CADM1: variants seen among roughly 807,000 people sequenced by gnomAD.
CADM1 encodes the protein cell adhesion molecule 1.
Under a neutral mutation model 53.1 loss-of-function variants are expected in CADM1, and 15 were observed. That is an observed-to-expected ratio of 0.28 (90% CI 0.19 to 0.44). The LOEUF is 0.44. Ranked by LOEUF, CADM1 falls within the 20% of genes least tolerant of loss-of-function variation. CADM1 has a pLI of 1.00. For missense variants in CADM1, 434 were observed against 611.3 expected, an observed-to-expected ratio of 0.71 and a Z score of 3.06; for synonymous variants, 281 against 243.0, an observed-to-expected ratio of 1.16 and a Z score of -1.45.
intron 1 of CADM1, among the ~76,000 whole-genome samples, chr11:115,323,880 T>C (rs1275793672): frequency 7.2e-6 from 1 of 138,606 alleles, no homozygotes; most frequent in South Asian, 2.6e-4. Context: ...AGAGGAGAGA[T>C]ACGAAAAAGG....
At chr11:115,268,812 TG>T (rs1247305180) in intron 1 of CADM1, among the ~76,000 whole-genome samples, 1 of 152,152 alleles carries the variant, frequency 6.6e-6, no homozygotes, top group Non-Finnish European at 1.5e-5. Flanking sequence ...GTGATAAGGT[TG>T]GGCATTCTGA....
intron 7 of CADM1, among the ~76,000 whole-genome samples, chr11:115,214,276 T>A (rs1941083361): frequency 3.9e-5 from 6 of 152,248 alleles, no homozygotes; most frequent in Admixed American, 3.9e-4. Flanking sequence ...ATAAACTTTC[T>A]GAGCTGAAAA....
chr11:115,176,489 T>C lies in CADM1; in HGVS notation c.1401A>G (p.Lys467=). The C allele has an allele frequency of 1.9e-6, 3 of 1,614,034 alleles. No individual in the cohort carries two copies. The highest frequency in any genetic ancestry group is 2.5e-6 in the Non-Finnish European group (3 of 1,179,924). Reference sequence around the variant, plus strand: ...AAAGGCTGATCTAGATGAAGTACTCTTTCTTTTCTTCGGAGTTGTTCTGTC... The same window carrying C: ...AAAGGCTGATCTAGATGAAGTACTCCTTCTTTTCTTCGGAGTTGTTCTGTC... ...EGGQNNSEEK[K]EYFI The change falls in exon 12 of 12, where the codon AAA becomes AAG. Residue 467 remains lysine (K), a synonymous_variant. Coordinates refer to ENST00000331581, the MANE Select transcript of CADM1 (RefSeq NM_001301043.2).
chr11:115,373,655 G>GGGATT (rs1201484717), intron 1 of CADM1, among the ~76,000 whole-genome samples: 2 of 151,048 alleles, frequency 1.3e-5, no homozygotes, highest in African/African-American at 4.8e-5. Flanking sequence ...AAAGAAAAGG[G>GGGATT]GGATTCTAAG....
chr11:115,308,372 A>G (rs1467560712), intron 1 of CADM1, among the ~76,000 whole-genome samples: 2 of 151,942 alleles, frequency 1.3e-5, no homozygotes, highest in South Asian at 2.1e-4. Flanking sequence ...AAGCTCAGAC[A>G]TAAAAAGGGT....
intron 9 of CADM1, among the ~76,000 whole-genome samples, chr11:115,194,460 T>C (rs1250401945): frequency 1.3e-5 from 2 of 152,196 alleles, no homozygotes; most frequent in Non-Finnish European, 2.9e-5. Context: ...CCAAACATTC[T>C]GAAACCAAAA....
intron 1 of CADM1, among the ~76,000 whole-genome samples, chr11:115,306,072 C>CCACACACACACACACACA (rs6144515): frequency 0.18 from 22,914 of 130,190 alleles, 2,391 homozygotes; most frequent in Admixed American, 0.22. Context: ...AGGATATATA[C>CCACACACACACACACACA]CACACACACA....
chr11:115,310,163 C>T (rs1404893561), intron 1 of CADM1, among the ~76,000 whole-genome samples: 1 of 152,050 alleles, frequency 6.6e-6, no homozygotes, highest in African/African-American at 2.4e-5. Context: ...GAAACATATT[C>T]ATAAGTAAAA....
intron 9 of CADM1, among the ~76,000 whole-genome samples, chr11:115,191,560 G>A (rs1939869409): frequency 6.6e-6 from 1 of 152,156 alleles, no homozygotes; most frequent in South Asian, 2.1e-4. Flanking sequence ...AAGCAGTTAG[G>A]TCAGGAGGTA....
intron 1 of CADM1, among the ~76,000 whole-genome samples, chr11:115,419,722 T>A (rs1034563871): frequency 6.6e-6 from 1 of 152,172 alleles, no homozygotes; most frequent in Non-Finnish European, 1.5e-5. Flanking sequence ...TTAGTTAAAC[T>A]GGGTGAACAC....
chr11:115,473,098 TGAATC>T (rs1949051132), intron 1 of CADM1, among the ~76,000 whole-genome samples: 1 of 152,216 alleles, frequency 6.6e-6, no homozygotes, highest in African/African-American at 2.4e-5. Flanking sequence ...ATTTGCTAGC[TGAATC>T]ATCTTAGGCA....
intron 1 of CADM1, among the ~76,000 whole-genome samples, chr11:115,503,079 C>T (rs1179998893): frequency 6.6e-6 from 1 of 152,172 alleles, no homozygotes; most frequent in Non-Finnish European, 1.5e-5. Context: ...TCGGTCCCGG[C>T]GCCCGCCTGG....
chr11:115,396,429 T>A (rs1946998562), intron 1 of CADM1, among the ~76,000 whole-genome samples: 1 of 152,196 alleles, frequency 6.6e-6, no homozygotes, highest in Non-Finnish European at 1.5e-5. Flanking sequence ...ACATAACATT[T>A]TTTCCTTAGT....
intron 10 of CADM1, among the ~76,000 whole-genome samples, chr11:115,189,026 A>T (rs778863742): frequency 6.6e-6 from 1 of 152,166 alleles, no homozygotes; most frequent in Non-Finnish European, 1.5e-5. Context: ...AGTTCATCAA[A>T]CCAGATGCAA....
rs1949396938 is a variant in CADM1, at chr11:115,487,324, C to T, written c.124+16947G>A. ...TCGATCAGTTATTCCATTATAAGTACATTATATATTCATCTTTTTAAAAAA... is the reference window on the plus strand; with the variant it reads ...TCGATCAGTTATTCCATTATAAGTATATTATATATTCATCTTTTTAAAAAA... On this transcript the variant is annotated intron_variant, in intron 1 of 11. Transcript: ENST00000331581. 2.0e-5 allele frequency among the ~76,000 whole-genome samples: 3 copies of T among 152,094 alleles called. No homozygotes were observed. In the South Asian group the frequency reaches 6.2e-4, roughly 31 times the overall value.
intron 1 of CADM1, among the ~76,000 whole-genome samples, chr11:115,384,822 T>C (rs1245317398): frequency 6.6e-6 from 1 of 152,196 alleles, no homozygotes; most frequent in Non-Finnish European, 1.5e-5. Context: ...TTTTAAACAA[T>C]ATAAATCCAC....
chr11:115,372,353 G>A (rs1163792250), intron 1 of CADM1, among the ~76,000 whole-genome samples: 5 of 151,730 alleles, frequency 3.3e-5, no homozygotes, highest in South Asian at 2.1e-4. Context: ...TGTACTTTTG[G>A]AAGCAACTTT....
intron 1 of CADM1, among the ~76,000 whole-genome samples, chr11:115,338,422 C>T (rs908019812): frequency 2.0e-5 from 3 of 152,058 alleles, no homozygotes; most frequent in African/African-American, 7.2e-5. Flanking sequence ...GTGTTCATGT[C>T]TCAAATTTTA....
chr11:115,450,749 T>C (rs190659098), intron 1 of CADM1, among the ~76,000 whole-genome samples: 1 of 152,340 alleles, frequency 6.6e-6, no homozygotes, highest in Non-Finnish European at 1.5e-5. Context: ...CAGTGAGTAT[T>C]AACAGGATTC....
Sources: allele counts gnomAD v4.1 joint callset (sites outside exome capture counted in the v4.1 genomes callset), GRCh38; gene constraint gnomAD v4.1.1; transcripts MANE v1.5; gene names NCBI Gene and HGNC (gene_info 2026-07-23, HGNC 2026-07-21).